KCNH5: variants seen among roughly 807,000 people sequenced by gnomAD.
KCNH5 encodes the protein voltage-gated delayed rectifier potassium channel KCNH5.
A neutral mutation model predicts 96.1 loss-of-function variants in KCNH5; 46 were observed. The observed-to-expected ratio is 0.48, with a 90% confidence interval of 0.38 to 0.61. The LOEUF (loss-of-function observed/expected upper bound fraction) is 0.61. Ranked by LOEUF, KCNH5 falls within the 20% of genes least tolerant of loss-of-function variation. The pLI is 0.00. For synonymous variants in KCNH5, 439 were observed against 449.8 expected (o/e 0.98, Z 0.30); for missense variants, 907 against 1,225.8 (o/e 0.74, Z 3.88).
intron 10 of KCNH5, among the ~76,000 whole-genome samples, chr14:62,721,305 T>C (rs1317493269): frequency 1.3e-5 from 2 of 152,220 alleles, no homozygotes; most frequent in East Asian, 3.8e-4. Context: ...AAAAAGATTT[T>C]TAAAGATCAA....
chr14:63,006,597 G>T (rs1192035987), intron 2 of KCNH5, 125 bp from the exon 3 acceptor site: 1 of 603,134 alleles, frequency 1.7e-6, no homozygotes, highest in Admixed American at 2.7e-5. Context: ...CTCCTACACA[G>T]AATAGTCAAA....
chr14:62,802,194 T>C (rs943388061), intron 9 of KCNH5, 135 bp downstream of exon 9: 6 of 786,980 alleles, frequency 7.6e-6, no homozygotes, highest in African/African-American at 7.0e-5. Flanking sequence ...TAGTTTTCAT[T>C]AAGATTCACG....
At chr14:62,904,890 T>C (rs1472550792) in intron 7 of KCNH5, among the ~76,000 whole-genome samples, 1 of 152,224 alleles carries the variant, frequency 6.6e-6, no homozygotes, top group Non-Finnish European at 1.5e-5. Context: ...TGTTCAAGCT[T>C]TGCTTTTTAG....
intron 1 of KCNH5, 134 bp downstream of exon 1, chr14:63,044,980 A>G (rs1464957171): frequency 4.2e-6 from 3 of 718,590 alleles, no homozygotes; most frequent in Middle Eastern, 3.8e-4. Context: ...ATCCAGCCCA[A>G]CTGGTAAATG....
At chr14:63,035,038 T>A (rs1398116570) in intron 1 of KCNH5, among the ~76,000 whole-genome samples, 1 of 152,182 alleles carries the variant, frequency 6.6e-6, no homozygotes, top group Non-Finnish European at 1.5e-5. Context: ...AATGATAACA[T>A]TTTACTAAAT....
intron 2 of KCNH5, among the ~76,000 whole-genome samples, chr14:63,010,815 T>G (rs1022072189): frequency 4.6e-5 from 7 of 152,324 alleles, no homozygotes; most frequent in African/African-American, 1.7e-4. Context: ...CTATAACGAT[T>G]GACAGACTTC....
At chr14:62,744,801 T>A (rs1379829115) in intron 10 of KCNH5, among the ~76,000 whole-genome samples, 1 of 152,198 alleles carries the variant, frequency 6.6e-6, no homozygotes, top group Non-Finnish European at 1.5e-5. Context: ...AAACCTCTTC[T>A]GACTTGAAAT....
intron 10 of KCNH5, among the ~76,000 whole-genome samples, chr14:62,742,230 T>C (rs900270215): frequency 4.5e-4 from 69 of 152,334 alleles, no homozygotes; most frequent in Admixed American, 7.8e-4. Flanking sequence ...GATCTTAGTT[T>C]CTCTTAGGTT....
At chr14:62,957,616 C>T (rs972337729) in intron 6 of KCNH5, among the ~76,000 whole-genome samples, 14 of 152,140 alleles carry the variant, frequency 9.2e-5, no homozygotes, top group Non-Finnish European at 1.6e-4. Flanking sequence ...TTGCTTTGGC[C>T]AACAGAATGT....
chr14:62,861,699 T>C (rs1888038129), intron 7 of KCNH5, among the ~76,000 whole-genome samples: 1 of 151,280 alleles, frequency 6.6e-6, no homozygotes, highest in Admixed American at 6.6e-5. Context: ...TCTGATCTGA[T>C]GATTGATAAT....
At chr14:62,755,035 G>A (rs1377559862) in intron 10 of KCNH5, among the ~76,000 whole-genome samples, 1 of 144,686 alleles carries the variant, frequency 6.9e-6, no homozygotes, top group Non-Finnish European at 1.5e-5. Context: ...ACCTAATGAT[G>A]CATACTGAAG....
At chr14:62,857,768 A>C (rs1887958186) in intron 7 of KCNH5, among the ~76,000 whole-genome samples, 1 of 152,152 alleles carries the variant, frequency 6.6e-6, no homozygotes, top group East Asian at 1.9e-4. Flanking sequence ...CCACTGACTC[A>C]AATGTTAAAC....
At chr14:62,915,039 AC>A in intron 7 of KCNH5, among the ~76,000 whole-genome samples, 1 of 152,242 alleles carries the variant, frequency 6.6e-6, no homozygotes, top group African/African-American at 2.4e-5. Context: ...TAAGTGTCTT[AC>A]GGAATCAGAC....
chr14:62,734,915 AC>A (rs1425076632), intron 10 of KCNH5, among the ~76,000 whole-genome samples: 3 of 152,172 alleles, frequency 2.0e-5, no homozygotes, highest in Non-Finnish European at 4.4e-5. Context: ...ATACGTTGAA[AC>A]ATTTCAAAAA....
At chr14:62,708,499 A>G in intron 10 of KCNH5, 44 bp from the exon 11 acceptor site, 1 of 1,253,156 alleles carries the variant, frequency 8.0e-7, no homozygotes. Context: ...ATAAAAGCAG[A>G]TGGATTAACA....
At chr14:63,029,629 G>T (rs987219159) in intron 1 of KCNH5, among the ~76,000 whole-genome samples, 4 of 151,816 alleles carry the variant, frequency 2.6e-5, no homozygotes, top group Admixed American at 6.6e-5. Context: ...TTATCACTAA[G>T]AACTAAACTA....
chr14:62,880,368 G>T (rs943379532), intron 7 of KCNH5, among the ~76,000 whole-genome samples: 1 of 152,158 alleles, frequency 6.6e-6, no homozygotes, highest in African/African-American at 2.4e-5. Flanking sequence ...AAAGGAAAAA[G>T]ATTTCAAAAG....
intron 8 of KCNH5, among the ~76,000 whole-genome samples, chr14:62,837,644 T>C (rs745628632): frequency 5.9e-5 from 9 of 152,032 alleles, no homozygotes; most frequent in Non-Finnish European, 1.3e-4. Flanking sequence ...AGGTTTGGAG[T>C]TTTGTTTGCT....
chr14:62,733,984 A>G (rs538212150), intron 10 of KCNH5, among the ~76,000 whole-genome samples: 1 of 152,248 alleles, frequency 6.6e-6, no homozygotes, highest in East Asian at 1.9e-4. Context: ...TGTTAGACAC[A>G]ACCATCTATA....
Sources: allele counts gnomAD v4.1 joint callset (sites outside exome capture counted in the v4.1 genomes callset), GRCh38; gene constraint gnomAD v4.1.1; transcripts MANE v1.5; gene names NCBI Gene and HGNC (gene_info 2026-07-23, HGNC 2026-07-21).